Variants in TENM3 observed in about 807,000 individuals in gnomAD.
TENM3 encodes the protein teneurin transmembrane protein 3.
In TENM3, 63 loss-of-function variants were observed where a neutral mutation model predicts 255.1. The observed-to-expected ratio is 0.25, with a 90% confidence interval of 0.20 to 0.30. TENM3 has a LOEUF of 0.30. Among genes scored for constraint, TENM3 ranks in the 10% least tolerant of loss-of-function variants. The pLI, the probability that TENM3 is intolerant of heterozygous loss-of-function variation, is 1.00. For synonymous variants in TENM3, 1,306 were observed against 1,322.3 expected (o/e 0.99, Z 0.27); for missense variants, 2,929 against 3,461.1 (o/e 0.85, Z 3.86).
At chr4:182,728,318 A>G (rs565606425) in intron 13 of TENM3, among the ~76,000 whole-genome samples, 1 of 152,164 alleles carries the variant, frequency 6.6e-6, no homozygotes, top group African/African-American at 2.4e-5. Context: ...CTCCTAGTGC[A>G]TTTTCTCTAA....
chr4:182,089,673 G>A, the TENM3 span, among the ~76,000 whole-genome samples: 1 of 152,230 alleles, frequency 6.6e-6, no homozygotes, highest in Non-Finnish European at 1.5e-5. Flanking sequence ...TCACTGGGTT[G>A]CTTCAGGATA....
chr4:182,750,647 T>A (rs1762303672), intron 19 of TENM3, among the ~76,000 whole-genome samples: 1 of 152,216 alleles, frequency 6.6e-6, no homozygotes, highest in Non-Finnish European at 1.5e-5. Flanking sequence ...TTATTATAAA[T>A]ATTTTAGATG....
At chr4:181,677,511 T>C in the TENM3 span, among the ~76,000 whole-genome samples, 1 of 152,154 alleles carries the variant, frequency 6.6e-6, no homozygotes, top group Non-Finnish European at 1.5e-5. Context: ...TATCACCATG[T>C]CCAATGCCTC....
intron 3 of TENM3, among the ~76,000 whole-genome samples, chr4:182,362,113 G>A (rs1439003250): frequency 1.8e-4 from 27 of 152,168 alleles, no homozygotes; most frequent in Admixed American, 1.8e-3. Context: ...CGTTTGAGGT[G>A]TTAGTCTGCC....
chr4:182,550,550 C>T (rs891606913), intron 3 of TENM3, among the ~76,000 whole-genome samples: 1 of 152,010 alleles, frequency 6.6e-6, no homozygotes, highest in Non-Finnish European at 1.5e-5. Flanking sequence ...TTCTGTGAAA[C>T]CTTATTCTGA....
At chr4:182,438,382 C>T (rs939602221) in intron 3 of TENM3, among the ~76,000 whole-genome samples, 5 of 152,088 alleles carry the variant, frequency 3.3e-5, no homozygotes, top group Non-Finnish European at 7.3e-5. Context: ...ATTTTCCTGG[C>T]GCTGGTTATG....
the TENM3 span, among the ~76,000 whole-genome samples, chr4:181,689,714 G>A: frequency 6.6e-6 from 1 of 152,098 alleles, no homozygotes; most frequent in Non-Finnish European, 1.5e-5. Context: ...GAAGAGAAGG[G>A]GAATAAAAGT....
At chr4:182,129,372 G>A in the TENM3 span, among the ~76,000 whole-genome samples, 1 of 152,150 alleles carries the variant, frequency 6.6e-6, no homozygotes, top group Admixed American at 6.6e-5. Context: ...ACAAATCTGT[G>A]TTGTCAAATA....
At chr4:182,729,695 A>G (rs1187402297) in intron 14 of TENM3, among the ~76,000 whole-genome samples, 2 of 152,166 alleles carry the variant, frequency 1.3e-5, no homozygotes, top group Admixed American at 6.5e-5. Flanking sequence ...AAAGAAGATG[A>G]TTTACACCAG....
the TENM3 span, among the ~76,000 whole-genome samples, chr4:182,077,022 A>C: frequency 6.6e-6 from 1 of 152,194 alleles, no homozygotes; most frequent in Non-Finnish European, 1.5e-5. Context: ...GATTTCTTCC[A>C]TAACCTTTCC....
At chr4:181,791,857 G>A in the TENM3 span, among the ~76,000 whole-genome samples, 1 of 152,180 alleles carries the variant, frequency 6.6e-6, no homozygotes, top group African/African-American at 2.4e-5. Context: ...GTAGGCAACG[G>A]ACACTGTGTT....
intron 4 of TENM3, among the ~76,000 whole-genome samples, chr4:182,628,348 G>T (rs1751032647): frequency 6.6e-6 from 1 of 152,084 alleles, no homozygotes; most frequent in Non-Finnish European, 1.5e-5. Flanking sequence ...AGTATGATTA[G>T]AAAATCTTTA....
the TENM3 span, among the ~76,000 whole-genome samples, chr4:181,617,910 G>A: frequency 6.6e-6 from 1 of 152,134 alleles, no homozygotes; most frequent in East Asian, 1.9e-4. Flanking sequence ...AGAGAAACAA[G>A]GATTGCATGT....
chr4:182,105,372 C>G, the TENM3 span, among the ~76,000 whole-genome samples: 3 of 152,170 alleles, frequency 2.0e-5, no homozygotes, highest in Non-Finnish European at 4.4e-5. Context: ...TTTGAGCCAA[C>G]TACTCACTTT....
the TENM3 span, among the ~76,000 whole-genome samples, chr4:182,117,001 G>C: frequency 6.6e-6 from 1 of 152,024 alleles, no homozygotes. Context: ...GTTGTGTAGT[G>C]GTATCTCATT....
intron 13 of TENM3, among the ~76,000 whole-genome samples, chr4:182,727,704 T>C (rs1760331496): frequency 6.6e-6 from 1 of 152,130 alleles, no homozygotes; most frequent in African/African-American, 2.4e-5. Context: ...TTTTTCATGA[T>C]GGATTTCTTA....
intron 6 of TENM3, among the ~76,000 whole-genome samples, chr4:182,660,528 T>C (rs1267262753): frequency 6.6e-6 from 1 of 152,222 alleles, no homozygotes; most frequent in Non-Finnish European, 1.5e-5. Context: ...TCAATGCATA[T>C]CAGTGATTGT....
intron 1 of TENM3, among the ~76,000 whole-genome samples, chr4:182,295,565 G>A (rs1299491996): frequency 6.6e-6 from 1 of 151,938 alleles, no homozygotes; most frequent in Non-Finnish European, 1.5e-5. Flanking sequence ...CACTGTGCCG[G>A]ATGGTATATG....
chr4:182,418,424 C>G (rs1770546279), intron 3 of TENM3, among the ~76,000 whole-genome samples: 2 of 151,812 alleles, frequency 1.3e-5, no homozygotes, highest in African/African-American at 4.8e-5. Flanking sequence ...CAGGGGGTCA[C>G]AGACACAGAA....
Sources: gnomAD v4.1 joint callset for allele counts (sites outside exome capture counted in the v4.1 genomes callset) on GRCh38, gnomAD v4.1.1 for gene constraint, MANE v1.5 for transcripts, NCBI Gene and HGNC (gene_info 2026-07-23, HGNC 2026-07-21) for gene names.